CSF2RA: variants seen among roughly 807,000 people sequenced by gnomAD.
CSF2RA encodes colony stimulating factor 2 receptor subunit alpha.
Under a neutral mutation model 51.6 loss-of-function variants are expected in CSF2RA, and 42 were observed. The observed-to-expected ratio is 0.81, with a 90% CI of 0.64 to 1.05. The LOEUF is 1.05. CSF2RA is among the 50% of genes least tolerant of loss of function. The pLI is 0.00. For synonymous variants in CSF2RA, 222 were observed against 193.0 expected (o/e 1.15, Z -1.24); for missense variants, 530 against 501.1 (o/e 1.06, Z -0.55).
In CSF2RA at chrX:1,281,435, T is replaced by C. The variant is rs1449482062; in HGVS notation, c.-26-1243T>C. ...TACTCCTCCTTCTCCTCCTCCTTCT[T>C]CTCCTCCTCCTGCTCCTTCTCCTCC... On this transcript the variant is annotated intron_variant, in intron 2 of 12. Transcript: ENST00000381529. Among the ~76,000 whole-genome samples, 236 of 82,432 alleles carry C rather than the reference T, an allele frequency of 2.9e-3. 3 individuals carry two copies. The highest frequency in any genetic ancestry group is 0.011 in the Middle Eastern group (1 of 94). The allele number at this position is 82,432 out of a possible 152,430, so 54.1% of individuals were successfully genotyped here. A position where few individuals can be genotyped will look rare whatever the true frequency, so the allele number is the denominator to read the frequency against.
intron 2 of CSF2RA, among the ~76,000 whole-genome samples, chrX:1,278,218 C>G (rs1405787885): frequency 1.4e-5 from 2 of 146,742 alleles, no homozygotes; most frequent in Non-Finnish European, 1.5e-5. Context: ...CCTGTAGTCC[C>G]AGCTACTTGG....
At chrX:1,310,869 G>A (rs193210166), downstream of CSF2RA, among the ~76,000 whole-genome samples, 19 of 152,066 alleles carry the variant, frequency 1.2e-4, no homozygotes, top group Middle Eastern at 3.4e-3. Flanking sequence ...AAGAGGGGGC[G>A]GACTCCTTAT....
chrX:1,269,553 G>A (rs1456672023), intron 1 of CSF2RA, among the ~76,000 whole-genome samples: 1 of 151,736 alleles, frequency 6.6e-6, no homozygotes, highest in African/African-American at 2.4e-5. Context: ...AACCCGGGAG[G>A]CGGAGCTTGC....
intron 6 of CSF2RA, 114 bp from the exon 7 acceptor site, chrX:1,290,202 GTTTTGTGTTTTTGTTTTGTGT>G: frequency 1.5e-6 from 1 of 646,336 alleles, no homozygotes; most frequent in Non-Finnish European, 2.6e-6. Context: ...GGTTTTTTTT[GTTTTGTGTTTTTGTTTTGTGT>G]TTTTGTGTTT....
chrX:1,276,036 T>G (rs2089148734), intron 2 of CSF2RA, among the ~76,000 whole-genome samples: 1 of 149,250 alleles, frequency 6.7e-6, no homozygotes, highest in South Asian at 2.1e-4. Flanking sequence ...AGTCTCACTC[T>G]GTCGCCCAGG....
chrX:1,308,644 C>T (rs1214310126), intron 12 of CSF2RA, among the ~76,000 whole-genome samples: 4 of 152,074 alleles, frequency 2.6e-5, no homozygotes, highest in African/African-American at 7.2e-5. Flanking sequence ...TTGCCACTTG[C>T]ACACCCCCAT....
At chrX:1,316,168 G>A in the CSF2RA span, among the ~76,000 whole-genome samples, 2 of 151,792 alleles carry the variant, frequency 1.3e-5, no homozygotes. Context: ...TGATAGAAGA[G>A]CTAGACAGAT....
At chrX:1,279,611 G>A (rs1255460742) in intron 2 of CSF2RA, among the ~76,000 whole-genome samples, 1 of 151,834 alleles carries the variant, frequency 6.6e-6, no homozygotes, top group Non-Finnish European at 1.5e-5. Flanking sequence ...CAAGAAGCGG[G>A]GTGCCACAGT....
chrX:1,305,745 G>A, intron 12 of CSF2RA: 1 of 1,552,024 alleles, frequency 6.4e-7, no homozygotes, highest in Non-Finnish European at 8.7e-7. Flanking sequence ...AGCTCCATCA[G>A]GAGAAACTGA....
At chrX:1,281,132 TGCTCCTCCTCCTCCA>T (rs1200042802) in intron 2 of CSF2RA, among the ~76,000 whole-genome samples, 4 of 109,556 alleles carry the variant, frequency 3.7e-5, no homozygotes. Flanking sequence ...CTCCTCCTCC[TGCTCCTCCTCCTCCA>T]GCTCCCCTTC....
intron 2 of CSF2RA, among the ~76,000 whole-genome samples, chrX:1,278,395 C>G (rs1409672963): frequency 7.5e-5 from 11 of 147,528 alleles, no homozygotes; most frequent in East Asian, 6.1e-4. Context: ...GGAAGACTAG[C>G]TACTCCAGAG....
chrX:1,316,522 C>T, the CSF2RA span, among the ~76,000 whole-genome samples: 1 of 152,194 alleles, frequency 6.6e-6, no homozygotes, highest in African/African-American at 2.4e-5. Flanking sequence ...CAAGGCAAGA[C>T]TTCCCTTTGG....
At chrX:1,270,144 G>A (rs1342086078) in intron 1 of CSF2RA, among the ~76,000 whole-genome samples, 43 of 152,126 alleles carry the variant, frequency 2.8e-4, no homozygotes, top group African/African-American at 1.0e-3. Flanking sequence ...AAGTCGTGGG[G>A]AGAGATGCTC....
chrX:1,300,811 A>G (rs1389416765), intron 10 of CSF2RA, among the ~76,000 whole-genome samples, 185 bp downstream of exon 10: 4 of 152,124 alleles, frequency 2.6e-5, no homozygotes, highest in African/African-American at 9.7e-5. Context: ...TGGTCCCGCA[A>G]CATTGCTTTG....
At chrX:1,321,577 A>AC in the CSF2RA span, among the ~76,000 whole-genome samples, 1 of 150,928 alleles carries the variant, frequency 6.6e-6, no homozygotes, top group African/African-American at 2.4e-5. Context: ...TCCATCTCAA[A>AC]AAAAAAAAAA....
intron 3 of CSF2RA, among the ~76,000 whole-genome samples, chrX:1,283,389 TTC>T (rs1397611521): frequency 2.0e-5 from 3 of 149,050 alleles, no homozygotes; most frequent in East Asian, 3.9e-4. Flanking sequence ...CCTTCTTTCT[TTC>T]TCTTTCTTCC....
chrX:1,274,292 G>C (rs1224339903), intron 1 of CSF2RA, among the ~76,000 whole-genome samples: 6 of 151,760 alleles, frequency 4.0e-5, no homozygotes, highest in Non-Finnish European at 7.4e-5. Flanking sequence ...TGGATACACA[G>C]GGCACAATTT....
rs188160573 is a variant in CSF2RA, at chrX:1,309,185, G to A, written c.1126-217G>A. On this transcript the variant is annotated intron_variant, in intron 12 of 12. Transcript: ENST00000381529. ...CTGATCAGTCAAATTTGTGGTGGCG[G>A]GCGCCTGTAATCCCAGCTACTCAGG... Among the ~76,000 whole-genome samples, 3 of 152,076 alleles carry A rather than the reference G, an allele frequency of 2.0e-5. No homozygotes were observed. The South Asian group carries it at 6.2e-4, about 32-fold the overall frequency.
intron 2 of CSF2RA, among the ~76,000 whole-genome samples, chrX:1,281,554 C>T (rs1246636570): frequency 6.6e-6 from 1 of 151,430 alleles, no homozygotes; most frequent in Non-Finnish European, 1.5e-5. Context: ...CTGCACCTTT[C>T]CTCCTCCTCC....
Sources: gnomAD v4.1 joint callset for allele counts (sites outside exome capture counted in the v4.1 genomes callset) on GRCh38, gnomAD v4.1.1 for gene constraint, MANE v1.5 for transcripts, NCBI Gene and HGNC (gene_info 2026-07-23, HGNC 2026-07-21) for gene names.